The following THSD4 variants were observed in gnomAD, a reference collection of about 807,000 sequenced individuals.
The protein encoded by THSD4 is thrombospondin type 1 domain containing 4.
In THSD4, 69 loss-of-function variants were observed where a neutral mutation model predicts 119.0. The ratio of observed to expected loss-of-function variants is 0.58; its 90% CI spans 0.48 to 0.71. The LOEUF (loss-of-function observed/expected upper bound fraction) is 0.71. THSD4 is among the 30% of genes least tolerant of loss of function. The pLI is 0.00. For synonymous variants in THSD4, 524 were observed against 540.4 expected (o/e 0.97, Z 0.42); for missense variants, 1,393 against 1,391.1 (o/e 1.00, Z -0.02).
chr15:71,331,163 C>T (rs1262001571), intron 6 of THSD4, among the ~76,000 whole-genome samples: 17 of 152,180 alleles, frequency 1.1e-4, no homozygotes, highest in Admixed American at 9.2e-4. Context: ...TTGGGCGTCT[C>T]CCCAGCCACC....
chr15:71,380,047 A>G (rs1348462502), intron 6 of THSD4, among the ~76,000 whole-genome samples: 1 of 152,104 alleles, frequency 6.6e-6, no homozygotes, highest in East Asian at 1.9e-4. Context: ...CCTGTGATTA[A>G]CTGAAGGTTG....
chr15:71,723,170 A>G (rs1186856056), intron 8 of THSD4, among the ~76,000 whole-genome samples: 1 of 151,870 alleles, frequency 6.6e-6, no homozygotes, highest in East Asian at 1.9e-4. Flanking sequence ...GTAGTTTCCT[A>G]GAAGTAGAGT....
At chr15:71,697,918 C>CTT (rs5813654) in intron 8 of THSD4, among the ~76,000 whole-genome samples, 38 of 146,800 alleles carry the variant, frequency 2.6e-4, no homozygotes, top group South Asian at 1.7e-3. Flanking sequence ...AGAAATAATC[C>CTT]TTTTTTTTTT....
chr15:71,260,633 G>C (rs2044382046), intron 6 of THSD4, among the ~76,000 whole-genome samples: 2 of 152,108 alleles, frequency 1.3e-5, no homozygotes, highest in Admixed American at 1.3e-4. Context: ...GCATTCCAGG[G>C]AATCAGTAAC....
At chr15:71,571,618 T>G (rs1440510764) in intron 7 of THSD4, among the ~76,000 whole-genome samples, 1 of 152,160 alleles carries the variant, frequency 6.6e-6, no homozygotes, top group African/African-American at 2.4e-5. Flanking sequence ...ACATTTTGAG[T>G]ACCTATTGTG....
intron 6 of THSD4, among the ~76,000 whole-genome samples, chr15:71,367,158 C>G (rs1435487951): frequency 6.6e-6 from 1 of 152,072 alleles, no homozygotes; most frequent in Non-Finnish European, 1.5e-5. Flanking sequence ...CCCAGTTACA[C>G]AAGGTTGACC....
intron 8 of THSD4, among the ~76,000 whole-genome samples, chr15:71,677,529 C>T (rs900954604): frequency 1.2e-4 from 18 of 152,208 alleles, no homozygotes; most frequent in Admixed American, 3.9e-4. Context: ...TCTGACAGCG[C>T]ACCTCCCTTT....
chr15:71,256,485 AAAAT>A (rs1555458340), intron 5 of THSD4, 124 bp from the exon 6 acceptor site: 20 of 596,986 alleles, frequency 3.4e-5, no homozygotes, highest in African/African-American at 2.6e-4. Context: ...CAAAAAAAAA[AAAAT>A]AAATAAATAA....
At chr15:71,271,984 A>G (rs959273494) in intron 6 of THSD4, among the ~76,000 whole-genome samples, 1 of 152,218 alleles carries the variant, frequency 6.6e-6, no homozygotes, top group African/African-American at 2.4e-5. Flanking sequence ...GAAACAATGA[A>G]TAGAGTGAAA....
chr15:71,619,603 G>C (rs1353355664), intron 7 of THSD4, among the ~76,000 whole-genome samples: 2 of 152,138 alleles, frequency 1.3e-5, no homozygotes, highest in Non-Finnish European at 2.9e-5. Context: ...CCCCCAGTTG[G>C]TGATAATATA....
intron 7 of THSD4, among the ~76,000 whole-genome samples, chr15:71,482,408 A>G (rs1489476205): frequency 6.6e-6 from 1 of 150,540 alleles, no homozygotes; most frequent in Non-Finnish European, 1.5e-5. Context: ...CTCCTGCCTC[A>G]GCCTCCCGAG....
intron 7 of THSD4, among the ~76,000 whole-genome samples, chr15:71,486,497 A>G (rs570201957): frequency 6.6e-6 from 1 of 152,282 alleles, no homozygotes; most frequent in Admixed American, 6.5e-5. Flanking sequence ...TACGTGTGGC[A>G]TAAGTGGCAT....
At chr15:71,494,514 G>A (rs553256143) in intron 7 of THSD4, among the ~76,000 whole-genome samples, 5 of 152,264 alleles carry the variant, frequency 3.3e-5, no homozygotes, top group Admixed American at 3.3e-4. Flanking sequence ...TATATACAAT[G>A]TTTCCTATTT....
chr15:71,672,000 A>G (rs1170209128), intron 8 of THSD4, among the ~76,000 whole-genome samples: 1 of 152,162 alleles, frequency 6.6e-6, no homozygotes, highest in African/African-American at 2.4e-5. Context: ...ACTTTAAAGT[A>G]GTTTTTTCCA....
chr15:71,488,461 T>G (rs1041623872), intron 7 of THSD4, among the ~76,000 whole-genome samples: 1 of 152,218 alleles, frequency 6.6e-6, no homozygotes, highest in African/African-American at 2.4e-5. Flanking sequence ...TTCTATCCTG[T>G]GCTCTAGAAT....
intron 14 of THSD4, among the ~76,000 whole-genome samples, chr15:71,753,762 C>A (rs1211109554): frequency 6.6e-6 from 1 of 152,218 alleles, no homozygotes; most frequent in African/African-American, 2.4e-5. Flanking sequence ...GACAGGCTTC[C>A]TGGACCAGGT....
chr15:71,528,488 T>C (rs932468193), intron 7 of THSD4, among the ~76,000 whole-genome samples: 2 of 152,198 alleles, frequency 1.3e-5, no homozygotes, highest in African/African-American at 4.8e-5. Flanking sequence ...CTGCAACCTT[T>C]AGTAGAGTTG....
chr15:71,387,286 GGAAA>G, intron 6 of THSD4, among the ~76,000 whole-genome samples: 1 of 151,958 alleles, frequency 6.6e-6, no homozygotes, highest in Non-Finnish European at 1.5e-5. Context: ...CAGGTGTTAG[GGAAA>G]CATTTACATT....
At chr15:71,382,675 T>A (rs7165163) in intron 6 of THSD4, among the ~76,000 whole-genome samples, 73,660 of 151,998 alleles carry the variant, frequency 0.48, 18,681 homozygotes, top group East Asian at 0.69. Context: ...TTTAATTACC[T>A]TATATTTATT....
Sources: gnomAD v4.1 joint callset for allele counts (sites outside exome capture counted in the v4.1 genomes callset) on GRCh38, gnomAD v4.1.1 for gene constraint, MANE v1.5 for transcripts, NCBI Gene and HGNC (gene_info 2026-07-23, HGNC 2026-07-21) for gene names.